TTC7B: variants seen among roughly 807,000 people sequenced by gnomAD.
TTC7B encodes tetratricopeptide repeat domain 7B, also known as tetratricopeptide repeat protein 7B.
TTC7B carries 28 observed loss-of-function variants against 106.8 expected under a neutral mutation model. The ratio of observed to expected loss-of-function variants is 0.26; its 90% CI spans 0.19 to 0.36. The LOEUF (loss-of-function observed/expected upper bound fraction) is 0.36, where lower values mean the gene tolerates loss of function less well. TTC7B is among the 10% of genes least tolerant of loss of function. The pLI, the probability that TTC7B is intolerant of heterozygous loss-of-function variation, is 1.00. For synonymous variants in TTC7B, 405 were observed against 430.6 expected, an observed-to-expected ratio of 0.94 and a Z score of 0.74; for missense variants, 862 against 1,076.4, an observed-to-expected ratio of 0.80 and a Z score of 2.79.
At chr14:90,630,711 G>A (rs1173027118) in intron 15 of TTC7B, among the ~76,000 whole-genome samples, 1 of 152,062 alleles carries the variant, frequency 6.6e-6, no homozygotes, top group Admixed American at 6.6e-5. Context: ...ACTACTCCAC[G>A]TACCTCATAT....
chr14:90,699,884 A>C (rs1328298595), intron 5 of TTC7B, among the ~76,000 whole-genome samples: 1 of 152,118 alleles, frequency 6.6e-6, no homozygotes, highest in African/African-American at 2.4e-5. Flanking sequence ...ATCCCCACAA[A>C]AATGTAAGTG....
chr14:90,598,074 C>T lies in TTC7B; in HGVS notation c.1967-4448G>A, dbSNP rs138809618. Among the ~76,000 whole-genome samples the T allele has an allele frequency of 1.1e-4, 17 of 152,370 alleles. No homozygotes were observed. In the East Asian group the frequency reaches 3.1e-3, roughly 28 times the overall value. The stretch of plus-strand genomic sequence containing the variant: ...CACCCAGCTTCAAGAGGTCCCGCCA[C>T]TGCCAGAGCCCACAGGACTGTGTGC... On this transcript the variant is annotated intron_variant, in intron 17 of 19. Transcript: ENST00000328459.
chr14:90,559,099 C>T (rs1890457479), intron 19 of TTC7B, among the ~76,000 whole-genome samples: 1 of 152,228 alleles, frequency 6.6e-6, no homozygotes, highest in Non-Finnish European at 1.5e-5. Flanking sequence ...AACCTCCAGT[C>T]AGCTGTGACG....
At chr14:90,758,089 C>G (rs998338722) in intron 3 of TTC7B, among the ~76,000 whole-genome samples, 2 of 151,948 alleles carry the variant, frequency 1.3e-5, no homozygotes, top group Non-Finnish European at 2.9e-5. Context: ...CCAGAGAGCT[C>G]GGCTTGGTGA....
In TTC7B at chr14:90,742,993, A is replaced by G. The variant is rs1297864421; in HGVS notation, c.576+1799T>C. ...AGTCAGCTGGAACAACTCAGATGGG[A>G]TAAGCAGACTTCTCGACTGCCAAGC... On this transcript the variant is annotated intron_variant, in intron 4 of 19. Transcript: ENST00000328459. This position sits in a 1 kb window ranked among gnomAD's most constrained non-coding sequence, Gnocchi z 4.1. Among the ~76,000 whole-genome samples the G allele has an allele frequency of 6.6e-6, 1 of 152,222 alleles. No homozygotes were observed. The highest frequency in any genetic ancestry group is 1.5e-5 in the Non-Finnish European group (1 of 68,036).
At chr14:90,647,344 T>C in intron 13 of TTC7B, 1 of 269,482 alleles carries the variant, frequency 3.7e-6, no homozygotes, top group Admixed American at 4.3e-5. Context: ...CCCCAGCAGA[T>C]GGGTCTCTGT....
At chr14:90,680,327 C>T (rs1470001340) in intron 8 of TTC7B, 145 bp downstream of exon 8, 1 of 612,044 alleles carries the variant, frequency 1.6e-6, no homozygotes, top group African/African-American at 1.8e-5. Flanking sequence ...CTTTTTAAAC[C>T]TCTACTGTTT....
chr14:90,731,235 G>A (rs1048967025), intron 4 of TTC7B, among the ~76,000 whole-genome samples: 1 of 152,164 alleles, frequency 6.6e-6, no homozygotes, highest in African/African-American at 2.4e-5. Flanking sequence ...ACAGGCGTGA[G>A]CCCCTGCGCC....
intron 17 of TTC7B, among the ~76,000 whole-genome samples, chr14:90,595,540 A>G (rs1427348752): frequency 6.6e-6 from 1 of 152,164 alleles, no homozygotes; most frequent in African/African-American, 2.4e-5. Context: ...GGAAAGTAAT[A>G]TTTTGAACTT....
chr14:90,724,470 T>A (rs1398890021), intron 5 of TTC7B, among the ~76,000 whole-genome samples: 4 of 152,058 alleles, frequency 2.6e-5, no homozygotes, highest in Non-Finnish European at 5.9e-5. Context: ...TAGGGGTGAA[T>A]TTCTCATGAA....
intron 18 of TTC7B, among the ~76,000 whole-genome samples, chr14:90,592,367 C>T (rs1216833678): frequency 2.6e-5 from 4 of 152,168 alleles, no homozygotes; most frequent in South Asian, 2.1e-4. Flanking sequence ...AGTAAATCCA[C>T]AGCCATTATT....
At chr14:90,554,243 G>A (rs1380347332) in intron 19 of TTC7B, among the ~76,000 whole-genome samples, 5 of 152,224 alleles carry the variant, frequency 3.3e-5, no homozygotes. Flanking sequence ...AAGCCCCACA[G>A]TCCCCCACCC....
intron 18 of TTC7B, among the ~76,000 whole-genome samples, chr14:90,580,174 C>T (rs1374387027): frequency 6.6e-6 from 1 of 152,216 alleles, no homozygotes; most frequent in South Asian, 2.1e-4. Context: ...CTCCCTGCTG[C>T]GTCCCCAGGG....
Position 90,571,533 on chromosome 14 carries a change from A to C in TTC7B, c.2310+6573T>G, listed in dbSNP as rs180717240. 2.1e-3 allele frequency among the ~76,000 whole-genome samples: 318 copies of C among 152,376 alleles called. 2 individuals carry two copies. Among genetic ancestry groups the C allele is most frequent in the South Asian group, 5.0e-3 (24 of 4,830 alleles). Reference sequence around the variant, plus strand: ...AGAGGAAAAAAAAGTTATTCTCCTCAATTTGGAAAACATTTTTTAATTATG... The same window carrying C: ...AGAGGAAAAAAAAGTTATTCTCCTCCATTTGGAAAACATTTTTTAATTATG... On this transcript the variant is annotated intron_variant, in intron 19 of 19. Coordinates refer to ENST00000328459, the MANE Select transcript of TTC7B (RefSeq NM_001010854.2).
At chr14:90,767,153 A>C (rs868318668) in intron 3 of TTC7B, among the ~76,000 whole-genome samples, 7 of 152,158 alleles carry the variant, frequency 4.6e-5, no homozygotes, top group African/African-American at 1.4e-4. Flanking sequence ...CAGGAGCTCA[A>C]GGTTACAGTG....
At chr14:90,609,930 T>C (rs1052335075) in intron 17 of TTC7B, among the ~76,000 whole-genome samples, 5 of 152,180 alleles carry the variant, frequency 3.3e-5, no homozygotes, top group Middle Eastern at 3.2e-3. Flanking sequence ...CACACCTGAT[T>C]TCATGTGATG....
chr14:90,786,746 C>A (rs1891405792), intron 1 of TTC7B, among the ~76,000 whole-genome samples: 1 of 152,066 alleles, frequency 6.6e-6, no homozygotes, highest in Non-Finnish European at 1.5e-5. Context: ...CGCCCGACTA[C>A]TTTTTTGTGT....
At chr14:90,547,190 A>G (rs980996426) in intron 19 of TTC7B, among the ~76,000 whole-genome samples, 20 of 152,244 alleles carry the variant, frequency 1.3e-4, no homozygotes, top group African/African-American at 4.6e-4. Flanking sequence ...CAAGCTGGTA[A>G]TTATCATAAT....
At chr14:90,766,625 C>T (rs1303648129) in intron 3 of TTC7B, 2 of 1,009,146 alleles carry the variant, frequency 2.0e-6, no homozygotes, top group Non-Finnish European at 3.2e-6. Context: ...ACCATCCCTG[C>T]CATTAAGGGT....
Sources: gnomAD v4.1 joint callset for allele counts (sites outside exome capture counted in the v4.1 genomes callset) on GRCh38, gnomAD v4.1.1 for gene constraint, Gnocchi (gnomAD v3.1) non-coding constraint, MANE v1.5 for transcripts, NCBI Gene and HGNC (gene_info 2026-07-23, HGNC 2026-07-21) for gene names.